The following PCDH15 variants were observed in gnomAD, a reference collection of about 807,000 sequenced individuals.
PCDH15 encodes protocadherin related 15, also known as protocadherin-15.
Under a neutral mutation model 178.5 loss-of-function variants are expected in PCDH15, and 129 were observed. That is an observed-to-expected ratio of 0.72 (90% confidence interval 0.63 to 0.84). The LOEUF is 0.84. Ranked by LOEUF, PCDH15 falls within the 40% of genes least tolerant of loss-of-function variation. The pLI, the probability that PCDH15 is intolerant of heterozygous loss-of-function variation, is 0.00. For missense variants in PCDH15, 2,230 were observed against 2,099.9 expected (o/e 1.06, Z -1.21); for synonymous variants, 800 against 732.0 (o/e 1.09, Z -1.50).
At chr10:54,001,514 G>A (rs1190556438) in intron 20 of PCDH15, among the ~76,000 whole-genome samples, 2 of 151,956 alleles carry the variant, frequency 1.3e-5, no homozygotes, top group African/African-American at 4.8e-5. Context: ...TAAATAAAGG[G>A]TTGTATGATA....
At chr10:54,899,871 T>A (rs1954613195) in intron 2 of PCDH15, among the ~76,000 whole-genome samples, 1 of 152,060 alleles carries the variant, frequency 6.6e-6, no homozygotes, top group Non-Finnish European at 1.5e-5. Context: ...AATATGTATT[T>A]CAGTAGAAAA....
At chr10:55,529,746 T>C (rs1841402544) in intron 2 of PCDH15, among the ~76,000 whole-genome samples, 1 of 112,286 alleles carries the variant, frequency 8.9e-6, no homozygotes, top group South Asian at 2.6e-4. Context: ...TGTGAGTATA[T>C]ATATATATAT....
chr10:54,736,772 T>C (rs780168526), intron 1 of PCDH15, among the ~76,000 whole-genome samples: 15 of 152,018 alleles, frequency 9.9e-5, no homozygotes, highest in Non-Finnish European at 2.1e-4. Context: ...TCATGTCCCA[T>C]ATTTTTGTTA....
rs186439517 is a variant in PCDH15, at chr10:54,278,103, T to G, written c.876+39168A>C. Among the ~76,000 whole-genome samples, 392 of 151,686 alleles carry G rather than the reference T, an allele frequency of 2.6e-3. 2 individuals are homozygous for G. Among genetic ancestry groups the G allele is most frequent in the African/African-American group, 8.9e-3 (371 of 41,506 alleles). On this transcript the variant is annotated intron_variant, in intron 8 of 37. Coordinates refer to ENST00000644397, the MANE Select transcript of PCDH15 (RefSeq NM_001384140.1). ...TACTAAGTTTATAAAGATAAAATAG[T>G]AATAAAAGCTAATATTAACCTCTTT...
intron 1 of PCDH15, among the ~76,000 whole-genome samples, chr10:54,706,407 C>T (rs1310579595): frequency 1.3e-5 from 2 of 151,840 alleles, no homozygotes; most frequent in Admixed American, 6.6e-5. Flanking sequence ...GGCTAATAGG[C>T]CTATAAGAAT....
intron 2 of PCDH15, among the ~76,000 whole-genome samples, chr10:55,467,158 G>A (rs1438874344): frequency 6.6e-6 from 1 of 152,188 alleles, no homozygotes; most frequent in East Asian, 1.9e-4. Context: ...TGAATCTCTA[G>A]CTAGGGCAAT....
At chr10:53,875,437 T>C (rs1264399790) in intron 26 of PCDH15, among the ~76,000 whole-genome samples, 1 of 152,042 alleles carries the variant, frequency 6.6e-6, no homozygotes, top group Non-Finnish European at 1.5e-5. Context: ...TGACTCACTG[T>C]GGAAACGCTA....
chr10:55,096,611 A>G (rs557223681), intron 2 of PCDH15, among the ~76,000 whole-genome samples: 1 of 152,186 alleles, frequency 6.6e-6, no homozygotes. Flanking sequence ...AACTGCAAGC[A>G]TATGTCCTTT....
chr10:54,174,493 CCA>C (rs967962121), intron 13 of PCDH15, among the ~76,000 whole-genome samples: 7 of 151,628 alleles, frequency 4.6e-5, no homozygotes, highest in African/African-American at 1.7e-4. Flanking sequence ...TGAGATCGCA[CCA>C]CTGCACTCCA....
intron 2 of PCDH15, among the ~76,000 whole-genome samples, chr10:55,481,452 C>A (rs187061580): frequency 6.6e-6 from 1 of 151,610 alleles, no homozygotes; most frequent in Admixed American, 6.6e-5. Context: ...ATCTTTCTAA[C>A]TTTTTGATGT....
rs547957666 is a variant in PCDH15, at chr10:54,198,462, T to C, written c.1099-2573A>G. Among the ~76,000 whole-genome samples the C allele has an allele frequency of 2.4e-4, 36 of 151,314 alleles. No individual in the cohort carries two copies. In the East Asian group the frequency reaches 6.0e-3, roughly 25 times the overall value. On this transcript the variant is annotated intron_variant, in intron 10 of 37. Transcript: ENST00000644397. ...AACAGATTTTTTTCTCTCTTTCTTG[T>C]ATCTCTCCATCTTTCTTTAATATCT...
intron 8 of PCDH15, among the ~76,000 whole-genome samples, chr10:54,295,291 C>T (rs1591640147): frequency 6.6e-6 from 1 of 151,604 alleles, no homozygotes; most frequent in South Asian, 2.1e-4. Flanking sequence ...GTAAAATGGA[C>T]CAATCAATTC....
At chr10:54,514,751 T>C (rs1157155486) in intron 3 of PCDH15, among the ~76,000 whole-genome samples, 2 of 151,802 alleles carry the variant, frequency 1.3e-5, no homozygotes, top group Non-Finnish European at 2.9e-5. Flanking sequence ...TCCAAGGTGT[T>C]AAAAGAATAT....
intron 3 of PCDH15, among the ~76,000 whole-genome samples, chr10:54,411,591 T>C (rs1339144586): frequency 2.0e-5 from 3 of 152,198 alleles, no homozygotes; most frequent in African/African-American, 4.8e-5. Flanking sequence ...AAGCTACAGA[T>C]ATGTCTTTTT....
intron 2 of PCDH15, among the ~76,000 whole-genome samples, chr10:55,107,821 T>C (rs892673846): frequency 6.6e-6 from 1 of 151,964 alleles, no homozygotes; most frequent in Non-Finnish European, 1.5e-5. Flanking sequence ...TTCATAATGA[T>C]GTAAAAGAAT....
chr10:53,829,608 T>A (rs1177794174), intron 30 of PCDH15, among the ~76,000 whole-genome samples: 1 of 152,204 alleles, frequency 6.6e-6, no homozygotes, highest in Non-Finnish European at 1.5e-5. Context: ...AGATTTAGCA[T>A]ATCAATTGAT....
intron 2 of PCDH15, among the ~76,000 whole-genome samples, chr10:54,658,745 GTATC>G (rs2094447060): frequency 6.6e-6 from 1 of 152,104 alleles, no homozygotes; most frequent in South Asian, 2.1e-4. Flanking sequence ...AATATACAAA[GTATC>G]TAGCTAACAA....
At chr10:53,864,312 T>G (rs1441743573) in intron 27 of PCDH15, among the ~76,000 whole-genome samples, 2 of 151,820 alleles carry the variant, frequency 1.3e-5, no homozygotes, top group Admixed American at 1.3e-4. Context: ...CATAAACCAA[T>G]TAATGCCAAC....
chr10:54,832,585 T>C (rs1331236623), intron 3 of PCDH15, among the ~76,000 whole-genome samples: 1 of 152,180 alleles, frequency 6.6e-6, no homozygotes, highest in African/African-American at 2.4e-5. Context: ...ATCTGGCCAG[T>C]ACATTTGTAT....
Sources: gnomAD v4.1 joint callset for allele counts (sites outside exome capture counted in the v4.1 genomes callset) on GRCh38, gnomAD v4.1.1 for gene constraint, MANE v1.5 for transcripts, NCBI Gene and HGNC (gene_info 2026-07-23, HGNC 2026-07-21) for gene names.